Variants in PGBD5 observed in about 807,000 individuals in gnomAD.
The protein encoded by PGBD5 is piggyBac transposable element derived 5, also known as piggyBac transposable element-derived protein 5.
PGBD5 carries 14 observed loss-of-function variants against 47.9 expected under a neutral mutation model. The ratio of observed to expected loss-of-function variants is 0.29; its 90% CI spans 0.19 to 0.46. The LOEUF (loss-of-function observed/expected upper bound fraction) is 0.46, where lower values mean the gene tolerates loss of function less well. PGBD5 is among the 20% of genes least tolerant of loss of function. The pLI, the probability that PGBD5 is intolerant of heterozygous loss-of-function variation, is 1.00. For synonymous variants in PGBD5, 316 were observed against 306.3 expected (o/e 1.03, Z -0.33); for missense variants, 635 against 716.0 (o/e 0.89, Z 1.29).
At chr1:230,402,781 C>A (rs1657174197) in intron 1 of PGBD5, among the ~76,000 whole-genome samples, 1 of 152,200 alleles carries the variant, frequency 6.6e-6, no homozygotes, top group Admixed American at 6.5e-5. Flanking sequence ...AGCCCCAGTG[C>A]CCAGCCAGCA....
At chr1:230,402,213 A>G (rs1166065774) in intron 1 of PGBD5, among the ~76,000 whole-genome samples, 1 of 152,224 alleles carries the variant, frequency 6.6e-6, no homozygotes, top group Non-Finnish European at 1.5e-5. Flanking sequence ...TTGATTCTAA[A>G]TGAAACTGAC....
chr1:230,342,889 T>G (rs1467976795), intron 3 of PGBD5, among the ~76,000 whole-genome samples: 1 of 152,144 alleles, frequency 6.6e-6, no homozygotes, highest in Non-Finnish European at 1.5e-5. Context: ...AAATGAAAAA[T>G]TCAGGCCCGC....
chr1:230,368,293 C>A, intron 1 of PGBD5: 1 of 1,153,050 alleles, frequency 8.7e-7, no homozygotes, highest in Non-Finnish European at 1.1e-6. Flanking sequence ...GCCAAGTGGC[C>A]CCTCCCCAAA....
chr1:230,319,176 A>C lies in PGBD5; in HGVS notation c.*4249T>G, dbSNP rs527861321. The C allele has an allele frequency of 7.9e-5, 12 of 152,288 alleles. No individual in the cohort carries two copies. In the South Asian group the frequency reaches 2.5e-3, roughly 32 times the overall value. 9.4% of individuals were successfully genotyped at this position (152,288 alleles called of 1,614,324 possible). ...CCTGGGCGAACCATTGCACCACTCC[A>C]TCTGGGCGTGGTGACAGTCCATGCC... On this transcript the variant is annotated 3_prime_UTR_variant, in exon 7 of 7. Coordinates refer to ENST00000391860, the MANE Select transcript of PGBD5 (RefSeq NM_001258311.2).
chr1:230,386,485 G>C (rs901714363), intron 1 of PGBD5, among the ~76,000 whole-genome samples: 14 of 152,176 alleles, frequency 9.2e-5, no homozygotes, highest in African/African-American at 3.1e-4. Context: ...CTTCTTAAGA[G>C]CGTTTGATGG....
At chr1:230,403,599 C>CGAGGAAA (rs1657199508) in intron 1 of PGBD5, among the ~76,000 whole-genome samples, 1 of 152,262 alleles carries the variant, frequency 6.6e-6, no homozygotes, top group Non-Finnish European at 1.5e-5. Context: ...AAACCAGCCC[C>CGAGGAAA]ATCCTGAGTG....
intron 1 of PGBD5, among the ~76,000 whole-genome samples, chr1:230,409,579 A>T (rs1413177233): frequency 2.6e-5 from 4 of 152,202 alleles, no homozygotes; most frequent in African/African-American, 9.7e-5. Context: ...CATTACACTA[A>T]CTGAAAGAAG....
At chr1:230,351,564 C>G (rs1166517145) in intron 2 of PGBD5, among the ~76,000 whole-genome samples, 1 of 152,154 alleles carries the variant, frequency 6.6e-6, no homozygotes, top group Non-Finnish European at 1.5e-5. Context: ...CTATATTTAA[C>G]TGAAACCTAG....
chr1:230,401,228 T>C (rs1657131169), intron 1 of PGBD5, among the ~76,000 whole-genome samples: 1 of 152,184 alleles, frequency 6.6e-6, no homozygotes, highest in Admixed American at 6.5e-5. Context: ...CTCCCTTGGG[T>C]CACAGGAGCA....
In PGBD5 at chr1:230,404,518, G is replaced by A. The variant is rs1055595535; in HGVS notation, c.331+21080C>T. Among the ~76,000 whole-genome samples, 8 of 150,920 alleles carry A rather than the reference G, an allele frequency of 5.3e-5. No individual in the cohort carries two copies. The East Asian group carries it at 1.6e-3, about 30-fold the overall frequency. Reference sequence around the variant, plus strand: ...TACTTGGGAGGCTGAGGAGGGAGGGGAGGATCACTTGAGCACAGGAGGCTG... The same window carrying A: ...TACTTGGGAGGCTGAGGAGGGAGGGAAGGATCACTTGAGCACAGGAGGCTG... On this transcript the variant is annotated intron_variant, in intron 1 of 6. Transcript: ENST00000391860.
chr1:230,389,414 C>T (rs1006476626), intron 1 of PGBD5, among the ~76,000 whole-genome samples: 1 of 152,086 alleles, frequency 6.6e-6, no homozygotes, highest in Non-Finnish European at 1.5e-5. Flanking sequence ...CTCAGGTGAT[C>T]CACCCGCCTC....
chr1:230,332,082 A>T (rs1667229494), intron 5 of PGBD5, among the ~76,000 whole-genome samples: 1 of 5,342 alleles, frequency 1.9e-4, no homozygotes, highest in South Asian at 0.026. Flanking sequence ...CACACCACAC[A>T]CACGTACATG....
chr1:230,414,339 C>T (rs1313141194), intron 1 of PGBD5, among the ~76,000 whole-genome samples: 1 of 152,158 alleles, frequency 6.6e-6, no homozygotes, highest in Non-Finnish European at 1.5e-5. Flanking sequence ...CAAAGCATCC[C>T]ACACACTACC....
At chr1:230,371,181 C>A (rs1010339778) in intron 1 of PGBD5, among the ~76,000 whole-genome samples, 4 of 152,184 alleles carry the variant, frequency 2.6e-5, no homozygotes, top group Non-Finnish European at 5.9e-5. Flanking sequence ...ACTTTCAAAC[C>A]CAAAAGCTAT....
intron 1 of PGBD5, among the ~76,000 whole-genome samples, chr1:230,384,903 C>A (rs1656597853): frequency 6.6e-6 from 1 of 152,202 alleles, no homozygotes; most frequent in Non-Finnish European, 1.5e-5. Flanking sequence ...CTGCTGACTT[C>A]TTAGCTGCTG....
At chr1:230,360,871 C>T (rs1247265538) in intron 1 of PGBD5, among the ~76,000 whole-genome samples, 4 of 152,170 alleles carry the variant, frequency 2.6e-5, no homozygotes, top group Non-Finnish European at 5.9e-5. Flanking sequence ...GACTCGGATC[C>T]GTTTATGAGA....
chr1:230,417,457 T>C (rs1159551686), intron 1 of PGBD5, among the ~76,000 whole-genome samples: 1 of 152,220 alleles, frequency 6.6e-6, no homozygotes, highest in African/African-American at 2.4e-5. Flanking sequence ...GTAATAATTA[T>C]AGGTGTTAAA....
chr1:230,340,252 T>C (rs943750364), intron 3 of PGBD5, among the ~76,000 whole-genome samples: 1 of 152,176 alleles, frequency 6.6e-6, no homozygotes, highest in Non-Finnish European at 1.5e-5. Context: ...ACCATGTCCA[T>C]TTCAGGGTTT....
At chr1:230,403,319 T>C (rs1657189924) in intron 1 of PGBD5, among the ~76,000 whole-genome samples, 1 of 152,254 alleles carries the variant, frequency 6.6e-6, no homozygotes, top group African/African-American at 2.4e-5. Context: ...CAATGTTTAC[T>C]CTTTTCCTTG....
Sources: gnomAD v4.1 joint callset for allele counts (sites outside exome capture counted in the v4.1 genomes callset) on GRCh38, gnomAD v4.1.1 for gene constraint, MANE v1.5 for transcripts, NCBI Gene and HGNC (gene_info 2026-07-23, HGNC 2026-07-21) for gene names.